NXPH1: variants seen among roughly 807,000 people sequenced by gnomAD.
NXPH1 encodes the protein neurexophilin 1.
In NXPH1, 5 loss-of-function variants were observed where a neutral mutation model predicts 23.7. The observed-to-expected ratio is 0.21, with a 90% confidence interval of 0.11 to 0.44. The LOEUF is 0.44. NXPH1 is among the 20% of genes least tolerant of loss of function. The pLI is 0.99. For missense variants in NXPH1, 324 were observed against 321.6 expected (o/e 1.01, Z -0.06); for synonymous variants, 144 against 122.2 (o/e 1.18, Z -1.18).
intron 2 of NXPH1, among the ~76,000 whole-genome samples, chr7:8,610,015 T>G (rs967625837): frequency 6.6e-6 from 1 of 152,160 alleles, no homozygotes; most frequent in Non-Finnish European, 1.5e-5. Context: ...GTTTTGAACT[T>G]TAATTTTGAT....
chr7:8,507,675 T>A (rs909017522), intron 2 of NXPH1, among the ~76,000 whole-genome samples: 1 of 152,090 alleles, frequency 6.6e-6, no homozygotes, highest in Non-Finnish European at 1.5e-5. Context: ...TTCCTCAGAG[T>A]GCCTCTAGGG....
chr7:8,601,702 A>G (rs932323457), intron 2 of NXPH1, among the ~76,000 whole-genome samples: 1 of 152,196 alleles, frequency 6.6e-6, no homozygotes, highest in Admixed American at 6.5e-5. Flanking sequence ...AAATACAGGA[A>G]GTCACTGTGA....
intron 2 of NXPH1, among the ~76,000 whole-genome samples, chr7:8,713,013 C>A (rs538157428): frequency 6.6e-6 from 1 of 152,028 alleles, no homozygotes; most frequent in South Asian, 2.1e-4. Flanking sequence ...TTACCCCCCT[C>A]TCTCTCTACC....
chr7:8,653,381 T>C (rs1251328389), intron 2 of NXPH1, among the ~76,000 whole-genome samples: 1 of 152,202 alleles, frequency 6.6e-6, no homozygotes, highest in Non-Finnish European at 1.5e-5. Context: ...CTGTGTGGCA[T>C]TGCTCCATAT....
At chr7:8,598,087 GT>G (rs1481054081) in intron 2 of NXPH1, among the ~76,000 whole-genome samples, 1 of 152,072 alleles carries the variant, frequency 6.6e-6, no homozygotes, top group Non-Finnish European at 1.5e-5. Context: ...AGGCATTAGG[GT>G]TTGAATCCTG....
At chr7:8,544,537 A>G (rs908502720) in intron 2 of NXPH1, among the ~76,000 whole-genome samples, 1 of 151,704 alleles carries the variant, frequency 6.6e-6, no homozygotes, top group Non-Finnish European at 1.5e-5. Flanking sequence ...AAGACATCAT[A>G]GGCATATGCC....
intron 2 of NXPH1, among the ~76,000 whole-genome samples, chr7:8,449,354 C>T (rs530516038): frequency 6.6e-6 from 1 of 152,286 alleles, no homozygotes; most frequent in Admixed American, 6.5e-5. Flanking sequence ...TTATATTTGA[C>T]ATTAGAGTGG....
chr7:8,588,870 T>C (rs1819034222), intron 2 of NXPH1, among the ~76,000 whole-genome samples: 2 of 152,152 alleles, frequency 1.3e-5, no homozygotes, highest in African/African-American at 4.8e-5. Context: ...ACTTTGGAAC[T>C]TCATTGTTTA....
At chr7:8,493,057 T>C (rs944539108) in intron 2 of NXPH1, among the ~76,000 whole-genome samples, 2 of 152,014 alleles carry the variant, frequency 1.3e-5, no homozygotes, top group Non-Finnish European at 2.9e-5. Context: ...GATCTTATCT[T>C]GGGGCAGCAT....
At chr7:8,441,522 A>T (rs1418286206) in intron 2 of NXPH1, among the ~76,000 whole-genome samples, 1 of 152,152 alleles carries the variant, frequency 6.6e-6, no homozygotes, top group African/African-American at 2.4e-5. Context: ...TTCCGTTGTA[A>T]GGATGTCACT....
chr7:8,509,680 G>A (rs986653167), intron 2 of NXPH1, among the ~76,000 whole-genome samples: 1 of 152,004 alleles, frequency 6.6e-6, no homozygotes, highest in African/African-American at 2.4e-5. Flanking sequence ...AAGGGGACTA[G>A]GAAAGTCAGG....
At chr7:8,652,908 C>G (rs112377056) in intron 2 of NXPH1, among the ~76,000 whole-genome samples, 1 of 152,034 alleles carries the variant, frequency 6.6e-6, no homozygotes, top group Admixed American at 6.6e-5. Flanking sequence ...GTACAATATT[C>G]TTTAAGAGAC....
chr7:8,705,003 A>G (rs368428185), intron 2 of NXPH1, among the ~76,000 whole-genome samples: 51 of 152,242 alleles, frequency 3.3e-4, no homozygotes, highest in African/African-American at 1.1e-3. Context: ...TGCCCAAAAT[A>G]TATAGGGATT....
intron 2 of NXPH1, among the ~76,000 whole-genome samples, chr7:8,604,302 A>G (rs1819428688): frequency 6.6e-6 from 1 of 152,124 alleles, no homozygotes; most frequent in East Asian, 1.9e-4. Context: ...TATATTTCTA[A>G]TTATCTTGTA....
At chr7:8,732,255 G>T (rs2115218047) in intron 2 of NXPH1, among the ~76,000 whole-genome samples, 1 of 152,338 alleles carries the variant, frequency 6.6e-6, no homozygotes, top group South Asian at 2.1e-4. Flanking sequence ...ACTCCCTAGT[G>T]AGATGAACCC....
intron 2 of NXPH1, among the ~76,000 whole-genome samples, chr7:8,527,467 C>T (rs1000631716): frequency 6.6e-6 from 1 of 152,130 alleles, no homozygotes; most frequent in Non-Finnish European, 1.5e-5. Context: ...TAACATGGCT[C>T]CTCCTTAAAA....
chr7:8,540,162 A>T (rs558546141), intron 2 of NXPH1, among the ~76,000 whole-genome samples: 64 of 151,922 alleles, frequency 4.2e-4, no homozygotes, highest in Non-Finnish European at 5.9e-4. Flanking sequence ...CAATCACAGA[A>T]TCACCTGGGA....
chr7:8,490,080 C>G (rs1439559655), intron 2 of NXPH1, among the ~76,000 whole-genome samples: 2 of 152,048 alleles, frequency 1.3e-5, no homozygotes, highest in African/African-American at 4.8e-5. Flanking sequence ...ATCCTACTGA[C>G]TTAGTCTGGC....
chr7:8,666,281 C>G (rs1414358230), intron 2 of NXPH1, among the ~76,000 whole-genome samples: 1 of 151,982 alleles, frequency 6.6e-6, no homozygotes, highest in African/African-American at 2.4e-5. Flanking sequence ...AAGGATTATT[C>G]TGCTTCTATT....
Sources: gnomAD v4.1 joint callset for allele counts (sites outside exome capture counted in the v4.1 genomes callset) on GRCh38, gnomAD v4.1.1 for gene constraint, MANE v1.5 for transcripts, NCBI Gene and HGNC (gene_info 2026-07-23, HGNC 2026-07-21) for gene names.